CYRIB: variants seen among roughly 807,000 people sequenced by gnomAD.
CYRIB encodes CYFIP-related Rac1 interactor B.
In CYRIB, 8 loss-of-function variants were observed where a neutral mutation model predicts 44.2. That is an observed-to-expected ratio of 0.18 (90% CI 0.11 to 0.33). CYRIB has a LOEUF of 0.33. Ranked by LOEUF, CYRIB falls within the 10% of genes least tolerant of loss-of-function variation. CYRIB has a pLI of 1.00. For missense variants in CYRIB, 185 were observed against 382.8 expected, an observed-to-expected ratio of 0.48 and a Z score of 4.31; for synonymous variants, 131 against 127.2, an observed-to-expected ratio of 1.03 and a Z score of -0.20.
chr8:129,839,703 T>C (rs1437164270), exon 12 of CYRIB: 1 of 152,206 alleles, frequency 6.6e-6, no homozygotes, highest in Non-Finnish European at 1.5e-5. Flanking sequence ...TTAAAAACCA[T>C]TTTTAGCTCA....
intron 1 of CYRIB, among the ~76,000 whole-genome samples, chr8:129,990,131 A>G (rs986835762): frequency 6.6e-6 from 1 of 151,996 alleles, no homozygotes; most frequent in Non-Finnish European, 1.5e-5. Context: ...TTTCTTCTCC[A>G]TCTCTTCTAC....
At chr8:129,993,641 G>A (rs951266036) in intron 1 of CYRIB, among the ~76,000 whole-genome samples, 3 of 151,654 alleles carry the variant, frequency 2.0e-5, no homozygotes, top group Admixed American at 2.0e-4. Flanking sequence ...AGGTTGCAGT[G>A]AGTCAAGATC....
intron 1 of CYRIB, among the ~76,000 whole-genome samples, chr8:129,999,879 T>A (rs2096868784): frequency 6.6e-6 from 1 of 152,206 alleles, no homozygotes; most frequent in Admixed American, 6.5e-5. Flanking sequence ...TCCTCCCGCC[T>A]CTGCCTCCCA....
chr8:129,847,787 G>C (rs1452458131), intron 10 of CYRIB, among the ~76,000 whole-genome samples: 1 of 152,088 alleles, frequency 6.6e-6, no homozygotes, highest in Non-Finnish European at 1.5e-5. Flanking sequence ...AGAAATGTGG[G>C]TTCTACCTTT....
intron 1 of CYRIB, among the ~76,000 whole-genome samples, chr8:130,001,469 T>C (rs1050980501): frequency 2.6e-5 from 4 of 152,012 alleles, no homozygotes; most frequent in Non-Finnish European, 5.9e-5. Context: ...CAGAAAACAC[T>C]TGGCAACTGT....
At chr8:129,948,428 G>A (rs549361471) in intron 2 of CYRIB, 1 of 152,340 alleles carries the variant, frequency 6.6e-6, no homozygotes, top group Non-Finnish European at 1.5e-5. Flanking sequence ...ATCCAAGAGG[G>A]CATGATCAGA....
chr8:129,878,990 A>C (rs2060012235), intron 3 of CYRIB, among the ~76,000 whole-genome samples: 1 of 152,216 alleles, frequency 6.6e-6, no homozygotes, highest in Non-Finnish European at 1.5e-5. Flanking sequence ...TTAAATATGT[A>C]CCCTACAATA....
intron 1 of CYRIB, among the ~76,000 whole-genome samples, chr8:130,016,106 T>A (rs2097337662): frequency 6.8e-6 from 1 of 147,644 alleles, no homozygotes; most frequent in Non-Finnish European, 1.5e-5. Context: ...CGCGCTCCCC[T>A]CGCGTCCGCC....
chr8:129,990,698 T>G (rs2096610139), intron 1 of CYRIB, among the ~76,000 whole-genome samples: 1 of 152,052 alleles, frequency 6.6e-6, no homozygotes, highest in South Asian at 2.1e-4. Context: ...ATTTCCTTTT[T>G]GTTTTTTTAG....
intron 5 of CYRIB, among the ~76,000 whole-genome samples, chr8:129,859,837 T>C (rs759854609): frequency 9.9e-5 from 15 of 152,256 alleles, no homozygotes; most frequent in Non-Finnish European, 1.6e-4. Context: ...CTATTCTTGT[T>C]TCATATTTTA....
intron 1 of CYRIB, among the ~76,000 whole-genome samples, chr8:130,003,604 A>G (rs560102545): frequency 6.6e-6 from 1 of 152,358 alleles, no homozygotes; most frequent in African/African-American, 2.4e-5. Context: ...TGCGAGGATA[A>G]GCTCCAAGGT....
intron 5 of CYRIB, among the ~76,000 whole-genome samples, chr8:129,857,596 C>T (rs531271201): frequency 2.6e-5 from 4 of 152,146 alleles, no homozygotes; most frequent in Non-Finnish European, 4.4e-5. Flanking sequence ...AGAGGAGTGG[C>T]GTCAGCAGAT....
intron 1 of CYRIB, among the ~76,000 whole-genome samples, chr8:130,004,961 G>C (rs901421049): frequency 6.6e-6 from 1 of 151,778 alleles, no homozygotes; most frequent in Non-Finnish European, 1.5e-5. Flanking sequence ...TAGAGACAAG[G>C]CTTCACCATG....
intron 1 of CYRIB, among the ~76,000 whole-genome samples, chr8:130,011,662 A>G (rs78727834): frequency 5.5e-4 from 73 of 131,674 alleles, no homozygotes; most frequent in African/African-American, 2.7e-3. Context: ...CTAAAAATAC[A>G]AAAAAAAAAG....
At chr8:130,006,819 G>A (rs1382916974) in intron 1 of CYRIB, among the ~76,000 whole-genome samples, 2 of 149,948 alleles carry the variant, frequency 1.3e-5, no homozygotes, top group African/African-American at 2.5e-5. Context: ...AATGGGTGGG[G>A]GGACTTGAAA....
chr8:129,936,792 C>T (rs2092881890), intron 1 of CYRIB, among the ~76,000 whole-genome samples: 1 of 151,006 alleles, frequency 6.6e-6, no homozygotes, highest in African/African-American at 2.4e-5. Context: ...CTGCAAGCTC[C>T]GCCTCCCGGG....
intron 4 of CYRIB, among the ~76,000 whole-genome samples, chr8:129,863,062 T>C (rs1275161851): frequency 1.3e-5 from 2 of 152,194 alleles, no homozygotes; most frequent in Admixed American, 1.3e-4. Context: ...TAGTATTTCT[T>C]TGTCAAAGAA....
chr8:129,847,954 A>G (rs754249613), intron 10 of CYRIB, among the ~76,000 whole-genome samples: 4 of 152,202 alleles, frequency 2.6e-5, no homozygotes, highest in Middle Eastern at 3.4e-3. Flanking sequence ...GATGTGTGCC[A>G]CCACACCCAG....
At chr8:129,972,287 T>C (rs934171945) in intron 1 of CYRIB, among the ~76,000 whole-genome samples, 1 of 152,196 alleles carries the variant, frequency 6.6e-6, no homozygotes. Context: ...AACTGCTCAG[T>C]GGCCAAGAAG....
Sources: gnomAD v4.1 joint callset for allele counts (sites outside exome capture counted in the v4.1 genomes callset) on GRCh38, gnomAD v4.1.1 for gene constraint, MANE v1.5 for transcripts, NCBI Gene and HGNC (gene_info 2026-07-23, HGNC 2026-07-21) for gene names.